The following AHCYL1 variants were observed in gnomAD, a reference collection of about 807,000 sequenced individuals.
AHCYL1 encodes S-adenosylhomocysteine hydrolase-like protein 1.
Under a neutral mutation model 79.3 loss-of-function variants are expected in AHCYL1, and 20 were observed. The observed-to-expected ratio is 0.25, with a 90% CI of 0.18 to 0.37. AHCYL1 has a LOEUF of 0.37. Among genes scored for constraint, AHCYL1 ranks in the 10% least tolerant of loss-of-function variants. The pLI is 1.00. For missense variants in AHCYL1, 330 were observed against 673.6 expected, an observed-to-expected ratio of 0.49 and a Z score of 5.65; for synonymous variants, 223 against 242.2, an observed-to-expected ratio of 0.92 and a Z score of 0.74.
At chr1:110,013,520 G>A (rs893621085) in intron 5 of AHCYL1, among the ~76,000 whole-genome samples, 1 of 152,086 alleles carries the variant, frequency 6.6e-6, no homozygotes, top group Non-Finnish European at 1.5e-5. Flanking sequence ...GAACGGTCTG[G>A]CCAACATGGT....
At chr1:109,988,966 A>G (rs555939963) in intron 1 of AHCYL1, among the ~76,000 whole-genome samples, 1 of 152,320 alleles carries the variant, frequency 6.6e-6, no homozygotes, top group South Asian at 2.1e-4. Flanking sequence ...GTGCAGTTGT[A>G]TAGAATTTAC....
At chr1:109,990,115 G>T (rs1264100543) in intron 1 of AHCYL1, among the ~76,000 whole-genome samples, 1 of 152,138 alleles carries the variant, frequency 6.6e-6, no homozygotes, top group African/African-American at 2.4e-5. Flanking sequence ...TACATAAGAC[G>T]CCTTTAACTT....
At chr1:109,990,630 T>G (rs1266741667) in intron 1 of AHCYL1, among the ~76,000 whole-genome samples, 3 of 152,232 alleles carry the variant, frequency 2.0e-5, no homozygotes, top group Non-Finnish European at 4.4e-5. Flanking sequence ...TTACAGCTAC[T>G]GAACCCCAAA....
At chr1:109,999,830 T>C (rs1242214812) in intron 1 of AHCYL1, among the ~76,000 whole-genome samples, 1 of 152,114 alleles carries the variant, frequency 6.6e-6, no homozygotes, top group Non-Finnish European at 1.5e-5. Flanking sequence ...CACAGCTCAC[T>C]GCAGCCTCGA....
chr1:109,995,290 G>A (rs1353016226), intron 1 of AHCYL1, among the ~76,000 whole-genome samples: 1 of 152,148 alleles, frequency 6.6e-6, no homozygotes, highest in Non-Finnish European at 1.5e-5. Context: ...GGGAGCAGGG[G>A]GTTCATAATT....
rs1649387690 is a variant in AHCYL1, at chr1:109,985,034, T to TGGCCGGGCC, written c.-11_-3dup. ...GAGGCGGGGGCGGCGGGTCAGCCGC[T>TGGCCGGGCC]GGCCGGGCCGGCCGGGGAATGTCGA... On this transcript the variant is annotated 5_prime_UTR_variant, in exon 1 of 17. Transcript: ENST00000369799. 4 of 1,540,824 alleles carry TGGCCGGGCC rather than the reference T, an allele frequency of 2.6e-6. 1 individual carries two copies. The South Asian group carries it at 4.8e-5, about 18-fold the overall frequency.
intron 1 of AHCYL1, among the ~76,000 whole-genome samples, chr1:109,989,888 C>A (rs1649664751): frequency 6.6e-6 from 1 of 152,174 alleles, no homozygotes; most frequent in Non-Finnish European, 1.5e-5. Flanking sequence ...GTGCATAGAC[C>A]AGAATTTTTT....
intron 3 of AHCYL1, among the ~76,000 whole-genome samples, chr1:110,011,979 G>A (rs1025906142): frequency 9.9e-5 from 15 of 152,246 alleles, no homozygotes; most frequent in Non-Finnish European, 1.6e-4. Context: ...ACAGAAGTTA[G>A]TGGTTTCGGC....
intron 1 of AHCYL1, among the ~76,000 whole-genome samples, chr1:110,002,931 CAT>C (rs755897593): frequency 6.6e-6 from 1 of 152,120 alleles, no homozygotes; most frequent in Non-Finnish European, 1.5e-5. Flanking sequence ...AAATTCAAAA[CAT>C]GAGTGATTTT....
At chr1:110,015,641 T>G (rs1651368231) in intron 7 of AHCYL1, 110 bp downstream of exon 7, 3 of 744,390 alleles carry the variant, frequency 4.0e-6, no homozygotes, top group Middle Eastern at 2.4e-4. Context: ...TGGGAATATC[T>G]TCATTAGATA....
intron 2 of AHCYL1, among the ~76,000 whole-genome samples, chr1:110,010,161 C>T (rs1356740767): frequency 1.3e-5 from 2 of 152,200 alleles, no homozygotes; most frequent in Non-Finnish European, 2.9e-5. Flanking sequence ...AACGATAAAA[C>T]GACTGAAGAA....
At position 110,019,754 on chromosome 1, in the gene AHCYL1, C is replaced by T. The variant is rs560839650; in HGVS notation, c.1465+128C>T. On this transcript the variant is annotated intron_variant, in intron 15 of 16. Transcript: ENST00000369799. ...CCTGTGCTTACTGGTTGTTTGACCT[C>T]AGGACAAGTTCTAATCTCTATGATC... The T allele has an allele frequency of 7.7e-5, 64 of 827,714 alleles. 1 individual carries two copies. In the South Asian group the frequency reaches 1.1e-3, roughly 14 times the overall value. The allele number at this position is 827,714 out of a possible 1,614,324, so 51.3% of individuals were successfully genotyped here.
chr1:110,004,381 G>A (rs781308769), intron 1 of AHCYL1: 45 of 985,496 alleles, frequency 4.6e-5, no homozygotes, highest in Non-Finnish European at 5.4e-5. Context: ...GGGAATGGAA[G>A]AAGTGACTGG....
At chr1:110,019,701 A>G in intron 15 of AHCYL1, 75 bp downstream of exon 15, 3 of 1,407,904 alleles carry the variant, frequency 2.1e-6, no homozygotes, top group Non-Finnish European at 2.0e-6. Context: ...AAGGCATTGG[A>G]TTTAGAGTCA....
chr1:109,986,890 A>G (rs577062583), intron 1 of AHCYL1, among the ~76,000 whole-genome samples: 1 of 152,302 alleles, frequency 6.6e-6, no homozygotes, highest in Admixed American at 6.5e-5. Context: ...GTGGCCACCT[A>G]CCATGAATAA....
chr1:110,018,787 G>T, intron 13 of AHCYL1, 137 bp downstream of exon 13: 1 of 931,890 alleles, frequency 1.1e-6, no homozygotes, highest in Admixed American at 2.7e-5. Flanking sequence ...TTCACAAATT[G>T]GTCCCCAAAA....
intron 1 of AHCYL1, among the ~76,000 whole-genome samples, chr1:109,992,076 G>C (rs986668605): frequency 3.4e-5 from 5 of 149,214 alleles, no homozygotes; most frequent in East Asian, 1.9e-4. Context: ...CCAGAAATCT[G>C]GGGGCGGGGG....
chr1:110,017,638 A>G, intron 10 of AHCYL1, 55 bp downstream of exon 10: 2 of 1,550,014 alleles, frequency 1.3e-6, no homozygotes, highest in Non-Finnish European at 1.8e-6. Flanking sequence ...TATGTTATTG[A>G]GAGTTCATAA....
intron 10 of AHCYL1, 80 bp downstream of exon 10, chr1:110,017,663 C>A (rs2101740847): frequency 6.8e-7 from 1 of 1,461,378 alleles, no homozygotes; most frequent in Non-Finnish European, 9.5e-7. Context: ...GTATATTAAT[C>A]ATTTTTGCAG....
Sources: gnomAD v4.1 joint callset for allele counts (sites outside exome capture counted in the v4.1 genomes callset) on GRCh38, gnomAD v4.1.1 for gene constraint, MANE v1.5 for transcripts, NCBI Gene and HGNC (gene_info 2026-07-23, HGNC 2026-07-21) for gene names.